Variants in CNDP1 observed in about 807,000 individuals in gnomAD.
CNDP1 encodes beta-Ala-His dipeptidase.
In CNDP1, 44 loss-of-function variants were observed where a neutral mutation model predicts 58.1. The ratio of observed to expected loss-of-function variants is 0.76; its 90% CI spans 0.60 to 0.97. CNDP1 has a LOEUF of 0.97. Among genes scored for constraint, CNDP1 ranks in the 50% least tolerant of loss-of-function variants. The pLI, the probability that CNDP1 is intolerant of heterozygous loss-of-function variation, is 0.00. For synonymous variants in CNDP1, 254 were observed against 252.6 expected, an observed-to-expected ratio of 1.01 and a Z score of -0.05; for missense variants, 616 against 655.1, an observed-to-expected ratio of 0.94 and a Z score of 0.65.
Position 74,578,295 on chromosome 18 carries a change from C to T in CNDP1, c.1135C>T (p.Pro379Ser), listed in dbSNP as rs1437679367. ...VIGKFSIRLV[P>S]HMNVSAVEKQ... ...AGGAAAATTTTCAATCCGTCTAGTCCCTCACATGAATGTGTCTGCGGTGGA... is the reference window on the plus strand; with the variant it reads ...AGGAAAATTTTCAATCCGTCTAGTCTCTCACATGAATGTGTCTGCGGTGGA... The change falls in exon 9 of 12, where the codon CCT becomes TCT. Residue 379 changes from proline (P) to serine (S), a missense_variant. Transcript: ENST00000358821. 3 of 1,612,328 alleles carry T rather than the reference C, an allele frequency of 1.9e-6. No individual in the cohort carries two copies. The highest frequency in any genetic ancestry group is 1.3e-5 in the African/African-American group (1 of 74,770).
At position 74,579,951 on chromosome 18, in the gene CNDP1, G is replaced by A. The variant is rs182700593; in HGVS notation, c.1168-179G>A. Among the ~76,000 whole-genome samples, 562 of 152,330 alleles carry A rather than the reference G, an allele frequency of 3.7e-3. 3 individuals are homozygous for A. The highest frequency in any genetic ancestry group is 6.7e-3 in the Non-Finnish European group (457 of 68,030). ...AGCACTGAAGAAGGATCTCACTCTC[G>A]CCCTCTGGCAGAGTGAAGGGAAAAT... On this transcript the variant is annotated intron_variant, in intron 9 of 11. Transcript: ENST00000358821.
chr18:74,556,340 T>G lies in CNDP1; in HGVS notation c.27T>G (p.Ala9=). The change falls in exon 2 of 12, where the codon GCT becomes GCG. Residue 9 remains alanine (A), a splice_region_variant and synonymous_variant. Coordinates refer to ENST00000358821, the MANE Select transcript of CNDP1 (RefSeq NM_032649.6). ...CCTCCCATGTCAAACCCTTCCAGGC[T>G]GCGTCCCTGCTGGCTGTGCTGCTGC... MDPKLGRM[A]ASLLAVLLLL... The G allele has an allele frequency of 6.2e-7, 1 of 1,606,328 alleles. No homozygotes were observed. The highest frequency in any genetic ancestry group is 8.5e-7 in the Non-Finnish European group (1 of 1,178,276).
rs925817997 is a variant in CNDP1, at chr18:74,560,865, G to T, written c.313G>T (p.Gly105Cys). ...CCTGATCATTCTGCAGCTGCCCGAT[G>T]GTCAGAGTCTTCCAATACCTCCCGT... ...VDMGPQQLPDGQSLPIPPVIL... is the reference protein window; with the variant it reads ...VDMGPQQLPDCQSLPIPPVIL... The change falls in exon 4 of 12, where the codon GGT becomes TGT. Residue 105 changes from glycine to cysteine, a missense_variant. Transcript: ENST00000358821. 9 of 1,613,098 alleles carry T rather than the reference G, an allele frequency of 5.6e-6. No homozygotes were observed. Among genetic ancestry groups the T allele is most frequent in the Middle Eastern group, 3.3e-4 (2 of 6,084 alleles).
In CNDP1 at chr18:74,578,277, T is replaced by A. The variant is rs546892324; in HGVS notation, c.1117T>A (p.Phe373Ile). 2.5e-6 allele frequency: 4 copies of A among 1,613,720 alleles called. No individual in the cohort carries two copies. Among genetic ancestry groups the A allele is most frequent in the African/African-American group, 2.7e-5 (2 of 74,788 alleles). ...CATACCTGGCCGAGTTATAGGAAAA[T>A]TTTCAATCCGTCTAGTCCCTCACAT... ...TVIPGRVIGK[F>I]SIRLVPHMNV... Residue 373 changes from phenylalanine (F) to isoleucine (I), a missense_variant, in exon 9 of 12, where the codon TTT becomes ATT. Physicochemically the swap from Phe to Ile is conservative, Grantham distance 21. Coordinates refer to ENST00000358821, the MANE Select transcript of CNDP1 (RefSeq NM_032649.6).
intron 5 of CNDP1, among the ~76,000 whole-genome samples, chr18:74,563,193 C>T (rs565209126): frequency 6.6e-6 from 1 of 152,316 alleles, no homozygotes; most frequent in South Asian, 2.1e-4. Flanking sequence ...AGTACTCTGA[C>T]TTCACTCCTG....
rs1175099376 is a variant in CNDP1 at position 74,567,252 on chromosome 18, A to G, written c.575A>G (p.Lys192Arg). Residue 192 changes from lysine (K) to arginine (R), a missense_variant, in exon 6 of 12, where the codon AAA becomes AGA. Lys to Arg is a conservative substitution (Grantham distance 26). Transcript: ENST00000358821. ...ACTTAGGATCTTCCTGTGAATATCA[A>G]ATTCATCATTGAGGGGATGGAAGAG... is the stretch of plus-strand genomic sequence containing the variant. ...ALEQDLPVNI[K>R]FIIEGMEEAG... 3 of 1,614,072 alleles carry G rather than the reference A, an allele frequency of 1.9e-6. No individual in the cohort carries two copies. Among genetic ancestry groups the G allele is most frequent in the Admixed American group, 1.7e-5 (1 of 60,010 alleles).
At chr18:74,571,449 CT>C (rs991127016) in intron 7 of CNDP1, among the ~76,000 whole-genome samples, 179 bp downstream of exon 7, 1 of 152,168 alleles carries the variant, frequency 6.6e-6, no homozygotes, top group Admixed American at 6.5e-5. Context: ...TGCATTATTT[CT>C]TTTCATGGAC....
At chr18:74,539,585 G>C (rs1980566284) in intron 1 of CNDP1, among the ~76,000 whole-genome samples, 1 of 152,188 alleles carries the variant, frequency 6.6e-6, no homozygotes, top group African/African-American at 2.4e-5. Context: ...TGTTAGTGTT[G>C]TTGGTGCACA....
intron 7 of CNDP1, among the ~76,000 whole-genome samples, chr18:74,575,513 A>C (rs1040747343): frequency 6.6e-6 from 1 of 152,286 alleles, no homozygotes; most frequent in Non-Finnish European, 1.5e-5. Flanking sequence ...CGTATTTTCT[A>C]CAGAGAGTGG....
At chr18:74,578,474 C>A in intron 9 of CNDP1, 147 bp downstream of exon 9, 3 of 801,738 alleles carry the variant, frequency 3.7e-6, no homozygotes, top group Non-Finnish European at 6.0e-6. Context: ...GTCAAGAAAC[C>A]AATATTGCCC....
intron 5 of CNDP1, among the ~76,000 whole-genome samples, chr18:74,565,569 C>A (rs1981306134): frequency 6.6e-6 from 1 of 152,144 alleles, no homozygotes; most frequent in South Asian, 2.1e-4. Context: ...GTCTGAAATC[C>A]AGGGGTCAAA....
Position 74,545,233 on chromosome 18 carries a change from G to A in CNDP1, c.24+10542G>A, listed in dbSNP as rs149646030. On this transcript the variant is annotated intron_variant, in intron 1 of 11. Transcript: ENST00000358821. The surrounding 1 kb of genome is among the most constrained non-coding windows in gnomAD (Gnocchi z 4.1). ...GATGGGAAAGCCCCGCCCTCTCCTC[G>A]AATCTGCCTTGTTCTCGACTTTACA... Among the ~76,000 whole-genome samples, 4 of 152,176 alleles carry A rather than the reference G, an allele frequency of 2.6e-5. No homozygotes were observed. The highest frequency in any genetic ancestry group is 5.9e-5 in the Non-Finnish European group (4 of 68,040).
chr18:74,549,286 C>A (rs532114530), intron 1 of CNDP1, among the ~76,000 whole-genome samples: 1 of 152,290 alleles, frequency 6.6e-6, no homozygotes, highest in East Asian at 1.9e-4. Context: ...ACGTAGCATT[C>A]CTACACGTGA....
Position 74,562,146 on chromosome 18 carries a change from G to A in CNDP1, c.555+11G>A. 1 of 1,613,448 alleles carries A rather than the reference G, an allele frequency of 6.2e-7. No homozygotes were observed. ...AGAGCCCTGGAGCAAGTAGGTGGCA[G>A]CTGTGTTTGGGAGAGAGGAGGAGGA... On this transcript the variant is annotated intron_variant, in intron 5 of 11. Coordinates refer to ENST00000358821, the MANE Select transcript of CNDP1 (RefSeq NM_032649.6).
intron 1 of CNDP1, among the ~76,000 whole-genome samples, chr18:74,539,976 G>A (rs1473921221): frequency 1.1e-4 from 17 of 152,166 alleles, no homozygotes. Flanking sequence ...GAGCACATGT[G>A]TGTATATCAA....
At chr18:74,555,731 T>A (rs1981021105) in intron 1 of CNDP1, among the ~76,000 whole-genome samples, 1 of 152,128 alleles carries the variant, frequency 6.6e-6, no homozygotes, top group African/African-American at 2.4e-5. Context: ...TGCACCATGT[T>A]GGCCAGGCTG....
At chr18:74,540,813 A>G (rs1289166466) in intron 1 of CNDP1, among the ~76,000 whole-genome samples, 1 of 152,200 alleles carries the variant, frequency 6.6e-6, no homozygotes, top group African/African-American at 2.4e-5. Context: ...AAGACGCAAT[A>G]AAAATGTAAA....
intron 8 of CNDP1, 49 bp downstream of exon 8, chr18:74,577,078 T>A: frequency 6.6e-7 from 1 of 1,516,560 alleles, no homozygotes; most frequent in Non-Finnish European, 8.9e-7. Flanking sequence ...GAGGCTAGTA[T>A]ATCATATTTG....
chr18:74,560,558 A>G (rs1196249206), intron 3 of CNDP1, among the ~76,000 whole-genome samples: 1 of 152,138 alleles, frequency 6.6e-6, no homozygotes, highest in African/African-American at 2.4e-5. Flanking sequence ...ACAAAAAGGT[A>G]GCCGGACATG....
Sources: gnomAD v4.1 joint callset for allele counts (sites outside exome capture counted in the v4.1 genomes callset) on GRCh38, gnomAD v4.1.1 for gene constraint, Gnocchi (gnomAD v3.1) non-coding constraint, MANE v1.5 for transcripts, NCBI Gene and HGNC (gene_info 2026-07-23, HGNC 2026-07-21) for gene names.